The following CTNNA3 variants were observed in gnomAD, a reference collection of about 807,000 sequenced individuals.
CTNNA3 encodes catenin alpha 3.
Under a neutral mutation model 95.7 loss-of-function variants are expected in CTNNA3, and 76 were observed. The observed-to-expected ratio is 0.79, with a 90% CI of 0.66 to 0.96. CTNNA3 has a LOEUF of 0.96. CTNNA3 is among the 40% of genes least tolerant of loss of function. The probability of loss-of-function intolerance (pLI) is 0.00; values close to 1 mark genes in which losing one functional copy is unlikely to be tolerated. For missense variants in CTNNA3, 1,191 were observed against 1,089.8 expected, an observed-to-expected ratio of 1.09 and a Z score of -1.31; for synonymous variants, 431 against 374.4, an observed-to-expected ratio of 1.15 and a Z score of -1.74.
intron 11 of CTNNA3, among the ~76,000 whole-genome samples, chr10:66,451,872 A>C (rs557849696): frequency 4.6e-5 from 7 of 152,202 alleles, no homozygotes; most frequent in Non-Finnish European, 1.0e-4. Flanking sequence ...CAAACTCTTC[A>C]TGCTTTCAAG....
intron 6 of CTNNA3, among the ~76,000 whole-genome samples, chr10:67,189,685 A>G (rs113816705): frequency 3.2e-4 from 49 of 152,032 alleles, no homozygotes; most frequent in Admixed American, 8.5e-4. Flanking sequence ...CTTCCTGAAC[A>G]GGCATCAGCA....
At chr10:65,992,595 T>C (rs1236980809) in intron 15 of CTNNA3, among the ~76,000 whole-genome samples, 2 of 152,134 alleles carry the variant, frequency 1.3e-5, no homozygotes, top group Non-Finnish European at 1.5e-5. Flanking sequence ...TAATGCCTCC[T>C]TTTACATTTA....
chr10:66,566,478 C>A (rs1363286509), intron 10 of CTNNA3, among the ~76,000 whole-genome samples: 1 of 152,214 alleles, frequency 6.6e-6, no homozygotes, highest in African/African-American at 2.4e-5. Context: ...TTGAAATAAT[C>A]ACGTCTGAAG....
At chr10:66,369,448 C>T (rs2092736663) in intron 12 of CTNNA3, among the ~76,000 whole-genome samples, 1 of 152,082 alleles carries the variant, frequency 6.6e-6, no homozygotes, top group South Asian at 2.1e-4. Context: ...ATCCTTTCCA[C>T]CTTTAGTCAA....
rs376797119 is a variant in CTNNA3 at position 66,512,361 on chromosome 10, T to C, written c.1531+8256A>G. Among the ~76,000 whole-genome samples the C allele has an allele frequency of 3.9e-4, 59 of 152,232 alleles. 1 individual carries two copies. In the South Asian group the frequency reaches 0.012, roughly 31 times the overall value. On this transcript the variant is annotated intron_variant, in intron 11 of 17. Coordinates refer to ENST00000433211, the MANE Select transcript of CTNNA3 (RefSeq NM_013266.4). ...TTTCAATTAGGGAATTTAAACGGTT[T>C]ACATTTAAGGTTGTTATTGATAAGA...
intron 5 of CTNNA3, among the ~76,000 whole-genome samples, chr10:67,352,831 C>T (rs1258093383): frequency 6.6e-6 from 1 of 152,066 alleles, no homozygotes; most frequent in Non-Finnish European, 1.5e-5. Context: ...TTTCTTTCCT[C>T]TCTTCTTTCT....
chr10:67,482,322 C>A (rs1414831939), intron 5 of CTNNA3, among the ~76,000 whole-genome samples: 1 of 152,140 alleles, frequency 6.6e-6, no homozygotes, highest in Non-Finnish European at 1.5e-5. Flanking sequence ...GGCATTGAAT[C>A]TATAAATTAC....
intron 5 of CTNNA3, among the ~76,000 whole-genome samples, chr10:67,289,543 C>G (rs1253135370): frequency 1.3e-5 from 2 of 152,114 alleles, no homozygotes; most frequent in Non-Finnish European, 2.9e-5. Flanking sequence ...ATTTGGCCCT[C>G]TCATATCCCA....
intron 13 of CTNNA3, among the ~76,000 whole-genome samples, chr10:66,148,502 C>T (rs1339896072): frequency 6.6e-6 from 1 of 151,952 alleles, no homozygotes; most frequent in Non-Finnish European, 1.5e-5. Context: ...GGATTAGTGC[C>T]CTTATCAAAG....
chr10:66,946,927 G>C (rs1281417242), intron 7 of CTNNA3, among the ~76,000 whole-genome samples: 1 of 151,998 alleles, frequency 6.6e-6, no homozygotes, highest in Non-Finnish European at 1.5e-5. Flanking sequence ...TTTTCTTGGC[G>C]CTGGTAAATC....
intron 5 of CTNNA3, among the ~76,000 whole-genome samples, chr10:67,281,968 T>C (rs1301749924): frequency 2.6e-5 from 4 of 152,168 alleles, no homozygotes; most frequent in African/African-American, 7.2e-5. Flanking sequence ...GAAAACCTCA[T>C]GATAGGTCCA....
chr10:66,123,262 AG>A (rs781366712), intron 13 of CTNNA3, among the ~76,000 whole-genome samples: 5 of 152,208 alleles, frequency 3.3e-5, no homozygotes, highest in Non-Finnish European at 5.9e-5. Flanking sequence ...AAGGGGCTAC[AG>A]GCACCATGCA....
At chr10:66,764,655 G>C (rs1032133371) in intron 9 of CTNNA3, among the ~76,000 whole-genome samples, 30 of 152,124 alleles carry the variant, frequency 2.0e-4, no homozygotes, top group African/African-American at 6.5e-4. Context: ...CTTCAGCTTA[G>C]AGAACACATT....
At chr10:66,107,226 A>G (rs2133762927) in intron 13 of CTNNA3, among the ~76,000 whole-genome samples, 1 of 152,192 alleles carries the variant, frequency 6.6e-6, no homozygotes, top group East Asian at 1.9e-4. Context: ...TATTTCTCAT[A>G]TCAGAATTGT....
intron 15 of CTNNA3, among the ~76,000 whole-genome samples, chr10:66,059,154 A>AG (rs1466905593): frequency 1.3e-5 from 2 of 152,010 alleles, no homozygotes; most frequent in African/African-American, 4.8e-5. Context: ...ATATTTTCAG[A>AG]GGGGGGAGTA....
chr10:67,228,426 A>C (rs1363217291), intron 5 of CTNNA3, among the ~76,000 whole-genome samples: 1 of 152,128 alleles, frequency 6.6e-6, no homozygotes, highest in Non-Finnish European at 1.5e-5. Context: ...CAGTTTGGCC[A>C]ACATGGTAAA....
intron 10 of CTNNA3, among the ~76,000 whole-genome samples, chr10:66,570,770 T>C (rs1842847523): frequency 6.6e-6 from 1 of 152,110 alleles, no homozygotes; most frequent in South Asian, 2.1e-4. Flanking sequence ...AAATGTTTTT[T>C]AAACCACATA....
intron 13 of CTNNA3, among the ~76,000 whole-genome samples, chr10:66,121,914 T>G (rs1178010762): frequency 6.6e-6 from 1 of 152,208 alleles, no homozygotes; most frequent in African/African-American, 2.4e-5. Flanking sequence ...AAATTGTTTC[T>G]GGTACAAAAG....
chr10:65,995,918 A>G (rs746142533), intron 15 of CTNNA3, among the ~76,000 whole-genome samples: 5 of 152,162 alleles, frequency 3.3e-5, no homozygotes, highest in Non-Finnish European at 5.9e-5. Context: ...CAAGCCTGTC[A>G]TTAGGCCTCC....
Sources: allele counts gnomAD v4.1 joint callset (sites outside exome capture counted in the v4.1 genomes callset), GRCh38; gene constraint gnomAD v4.1.1; transcripts MANE v1.5; gene names NCBI Gene and HGNC (gene_info 2026-07-23, HGNC 2026-07-21).